The following DPP10 variants were observed in gnomAD, a reference collection of about 807,000 sequenced individuals.
DPP10 encodes inactive dipeptidyl peptidase 10.
In DPP10, 33 loss-of-function variants were observed where a neutral mutation model predicts 120.9. The ratio of observed to expected loss-of-function variants is 0.27; its 90% confidence interval spans 0.21 to 0.37. The LOEUF is 0.37. DPP10 is among the 10% of genes least tolerant of loss of function. The probability of loss-of-function intolerance (pLI) is 1.00; values close to 1 mark genes in which losing one functional copy is unlikely to be tolerated. For missense variants in DPP10, 816 were observed against 942.8 expected, an observed-to-expected ratio of 0.87 and a Z score of 1.76; for synonymous variants, 337 against 326.1, an observed-to-expected ratio of 1.03 and a Z score of -0.36.
At chr2:115,072,854 C>G (rs1707481365) in intron 1 of DPP10, among the ~76,000 whole-genome samples, 1 of 152,138 alleles carries the variant, frequency 6.6e-6, no homozygotes, top group Non-Finnish European at 1.5e-5. Flanking sequence ...GTGATCTCAG[C>G]TCACTGCATC....
chr2:114,461,432 T>C (rs1678910272), intron 1 of DPP10: 1 of 265,332 alleles, frequency 3.8e-6, no homozygotes, highest in African/African-American at 2.3e-5. Flanking sequence ...GAGAACAATT[T>C]TGTTTTCCAT....
rs974760215 is a variant in DPP10, at chr2:114,725,736, A to G, written c.60+282898A>G. Among the ~76,000 whole-genome samples the G allele has an allele frequency of 4.6e-5, 7 of 152,354 alleles. No homozygotes were observed. In the East Asian group the frequency reaches 7.7e-4, roughly 17 times the overall value. On this transcript the variant is annotated intron_variant, in intron 1 of 25. Coordinates refer to ENST00000410059, the MANE Select transcript of DPP10 (RefSeq NM_020868.6). ...CCTTATGTCTCTTTTACAGAAGAAG[A>G]AACCACTTTCAGAGTTTATTTGCCA...
Position 115,762,582 on chromosome 2 carries a change from T to C in DPP10, c.1085T>C (p.Met362Thr), listed in dbSNP as rs1680244491. 3 of 1,613,660 alleles carry C rather than the reference T, an allele frequency of 1.9e-6. No individual in the cohort carries two copies. The highest frequency in any genetic ancestry group is 2.5e-6 in the Non-Finnish European group (3 of 1,179,886). ...ATTGTTTTGTTTCAGAAATATGAGA[T>C]GACATCAGATACGTGGCTCTCTCAG... ...TTGACSKKYEMTSDTWLSQQN... is the reference protein window; with the variant it reads ...TTGACSKKYETTSDTWLSQQN... Residue 362 changes from methionine (M) to threonine (T), a missense_variant, in exon 12 of 26, where the codon ATG (methionine) becomes ACG (threonine). Met to Thr is a moderately conservative substitution (Grantham distance 81, BLOSUM62 -1). Around this residue, in one of 3 missense-constraint regions of DPP10, gnomAD observed 592 missense variants for 649.0 expected, o/e 0.91. Coordinates refer to ENST00000410059, the MANE Select transcript of DPP10 (RefSeq NM_020868.6).
In DPP10 at chr2:115,619,298, A is replaced by G. The variant is rs559645729; in HGVS notation, c.442-70389A>G. Among the ~76,000 whole-genome samples, 6 of 151,156 alleles carry G rather than the reference A, an allele frequency of 4.0e-5. No individual in the cohort carries two copies. In the East Asian group the frequency reaches 1.2e-3, roughly 30 times the overall value. On this transcript the variant is annotated intron_variant, in intron 5 of 25. Transcript: ENST00000410059. ...CACCATGTTAGCCAGGATAGTCTTG[A>G]TCTCCTGACCTCATGATCCGCCCGC...
At chr2:115,246,871 C>T (rs1371336306) in intron 1 of DPP10, among the ~76,000 whole-genome samples, 1 of 152,232 alleles carries the variant, frequency 6.6e-6, no homozygotes, top group South Asian at 2.1e-4. Flanking sequence ...GACGTGGCTT[C>T]GAAGTCCTTC....
chr2:114,805,347 C>T (rs1214456099), intron 1 of DPP10, among the ~76,000 whole-genome samples: 1 of 152,158 alleles, frequency 6.6e-6, no homozygotes, highest in Non-Finnish European at 1.5e-5. Flanking sequence ...ACTACCTTCT[C>T]CTTTGGACAC....
intron 3 of DPP10, chr2:115,467,938 A>G (rs1016937629): frequency 4.5e-6 from 1 of 224,698 alleles, no homozygotes; most frequent in African/African-American, 2.3e-5. Context: ...GAAAGAATAA[A>G]GAGAATCATG....
intron 2 of DPP10, among the ~76,000 whole-genome samples, chr2:115,334,666 T>C (rs1850447): frequency 0.77 from 116,602 of 151,758 alleles, 45,303 homozygotes; most frequent in Non-Finnish European, 0.83. Flanking sequence ...AACATTTCGG[T>C]TGAAGAGAAC....
chr2:115,699,464 T>TG (rs1011829393), intron 7 of DPP10, among the ~76,000 whole-genome samples: 6 of 152,280 alleles, frequency 3.9e-5, no homozygotes, highest in South Asian at 2.1e-4. Context: ...TAGCTGGATG[T>TG]GTTGGCAGGC....
chr2:114,444,147 G>T (rs754931722), intron 1 of DPP10, among the ~76,000 whole-genome samples: 24 of 152,058 alleles, frequency 1.6e-4, no homozygotes, highest in Non-Finnish European at 2.9e-4. Context: ...ACAGATATGA[G>T]AATCTTTTTC....
At chr2:114,996,002 G>A (rs1460053689) in intron 1 of DPP10, among the ~76,000 whole-genome samples, 1 of 152,174 alleles carries the variant, frequency 6.6e-6, no homozygotes, top group Non-Finnish European at 1.5e-5. Flanking sequence ...GGAATTCTAG[G>A]ATTCAGCATA....
chr2:115,307,346 C>G (rs1416239809), intron 1 of DPP10, among the ~76,000 whole-genome samples: 1 of 152,052 alleles, frequency 6.6e-6, no homozygotes, highest in Non-Finnish European at 1.5e-5. Flanking sequence ...GACAGCATAT[C>G]AAGATCATAA....
chr2:114,872,709 C>T (rs1607610), intron 1 of DPP10, among the ~76,000 whole-genome samples: 32,258 of 152,118 alleles, frequency 0.21, 3,772 homozygotes, highest in Middle Eastern at 0.32. Context: ...ATCTCCAGCA[C>T]GCTTTTGGTA....
intron 1 of DPP10, among the ~76,000 whole-genome samples, chr2:114,831,608 A>G (rs1352305255): frequency 6.6e-6 from 1 of 152,172 alleles, no homozygotes; most frequent in African/African-American, 2.4e-5. Context: ...GTTTGCAGAA[A>G]GCACGAGCAA....
At chr2:114,963,077 G>A (rs527306188) in intron 1 of DPP10, among the ~76,000 whole-genome samples, 13 of 152,246 alleles carry the variant, frequency 8.5e-5, no homozygotes, top group African/African-American at 3.1e-4. Flanking sequence ...ATATTCTTAA[G>A]CATAGTATTT....
chr2:114,866,202 A>C (rs987259698), intron 1 of DPP10, among the ~76,000 whole-genome samples: 3 of 151,986 alleles, frequency 2.0e-5, no homozygotes, highest in African/African-American at 7.2e-5. Flanking sequence ...CATGATAAGA[A>C]AGAATGATCA....
intron 1 of DPP10, among the ~76,000 whole-genome samples, chr2:115,215,209 A>T (rs2056747311): frequency 1.3e-5 from 2 of 152,300 alleles, no homozygotes; most frequent in African/African-American, 4.8e-5. Context: ...TTGTGCTTCC[A>T]TTTATGTGGT....
At chr2:115,736,448 T>A (rs1676513565) in intron 8 of DPP10, among the ~76,000 whole-genome samples, 1 of 152,172 alleles carries the variant, frequency 6.6e-6, no homozygotes, top group African/African-American at 2.4e-5. Context: ...GAGCCCATGG[T>A]GCTTTTTTGC....
intron 1 of DPP10, among the ~76,000 whole-genome samples, chr2:114,456,697 G>C (rs540362724): frequency 6.6e-6 from 1 of 152,334 alleles, no homozygotes; most frequent in South Asian, 2.1e-4. Context: ...CTGCTTAAGA[G>C]AGTGGTTGTG....
Sources: gnomAD v4.1 joint callset for allele counts (sites outside exome capture counted in the v4.1 genomes callset) on GRCh38, gnomAD v4.1.1 for gene constraint, gnomAD v4.1.1 regional missense constraint, MANE v1.5 for transcripts, NCBI Gene and HGNC (gene_info 2026-07-23, HGNC 2026-07-21) for gene names.